The following PSMD12 variants were observed in gnomAD, a reference collection of about 807,000 sequenced individuals.
The protein encoded by PSMD12 is 26S proteasome non-ATPase regulatory subunit 12.
A neutral mutation model predicts 62.9 loss-of-function variants in PSMD12; 8 were observed. The observed-to-expected ratio is 0.13, with a 90% CI of 0.07 to 0.23. PSMD12 has a LOEUF of 0.23. PSMD12 is among the 10% of genes least tolerant of loss of function. PSMD12 has a pLI of 1.00. For missense variants in PSMD12, 424 were observed against 550.2 expected, an observed-to-expected ratio of 0.77 and a Z score of 2.29; for synonymous variants, 173 against 187.4, an observed-to-expected ratio of 0.92 and a Z score of 0.63.
chr17:67,341,104 A>C (rs753054970), intron 10 of PSMD12, 52 bp from the exon 11 acceptor site: 4 of 1,384,502 alleles, frequency 2.9e-6, no homozygotes, highest in Non-Finnish European at 3.9e-6. Flanking sequence ...TACAGACAAT[A>C]AACAAAACTT....
At position 67,355,994 on chromosome 17, in the gene PSMD12, ACACACACACACACACG is replaced by A. The variant is rs1245054391; in HGVS notation, c.297+1293_297+1308del. ...TACACACACACACACACACACACACACACACACACACACACGCACACACACACAAGATTAAATGTTT... is the reference window on the plus strand; with the variant it reads ...TACACACACACACACACACACACACACACACACACACAAGATTAAATGTTT... On this transcript the variant is annotated intron_variant, in intron 3 of 10. Transcript: ENST00000356126. 1.3e-4 allele frequency among the ~76,000 whole-genome samples: 13 copies of A among 98,534 alleles called. No homozygotes were observed. The East Asian group carries it at 2.3e-3, about 17-fold the overall frequency. 64.6% of individuals were successfully genotyped at this position (98,534 alleles called of 152,430 possible).
rs1443881833 is a variant in PSMD12, at chr17:67,347,207, T to C, written c.704A>G (p.Gln235Arg). 1 of 1,613,662 alleles carries C rather than the reference T, an allele frequency of 6.2e-7. No homozygotes were observed. The highest frequency in any genetic ancestry group is 8.5e-7 in the Non-Finnish European group (1 of 1,179,774). Reference sequence around the variant, plus strand: ...AATAGACAAATAGGATCCCTCATGTTGATCCAGCTGAATCATTAAATTATA... The same window carrying C: ...AATAGACAAATAGGATCCCTCATGTCGATCCAGCTGAATCATTAAATTATA... The part of the protein sequence containing the change: ...KYYNLMIQLD[Q>R]HEGSYLSICK... The change falls in exon 7 of 11, where the codon CAA becomes CGA. Residue 235 changes from glutamine to arginine, a missense_variant. Transcript: ENST00000356126.
intron 3 of PSMD12, among the ~76,000 whole-genome samples, chr17:67,355,979 C>T (rs1285514040): frequency 5.4e-5 from 4 of 73,476 alleles, no homozygotes; most frequent in Admixed American, 3.5e-4. Context: ...TACACACACA[C>T]ACACACACAC....
At chr17:67,362,928 T>C (rs1247452972) in intron 1 of PSMD12, 3 of 152,214 alleles carry the variant, frequency 2.0e-5, no homozygotes, top group Non-Finnish European at 4.4e-5. Flanking sequence ...ATTATCATCA[T>C]AGCAGCTGAC....
intron 3 of PSMD12, among the ~76,000 whole-genome samples, chr17:67,350,894 A>G (rs1056065058): frequency 1.3e-5 from 2 of 152,190 alleles, no homozygotes; most frequent in African/African-American, 2.4e-5. Flanking sequence ...AAATTTTTGC[A>G]AATGTTCATA....
chr17:67,364,983 C>A (rs571596968), intron 1 of PSMD12, among the ~76,000 whole-genome samples: 1 of 152,074 alleles, frequency 6.6e-6, no homozygotes, highest in East Asian at 1.9e-4. Flanking sequence ...CAGGAGGTCG[C>A]GTGCGACCAG....
At chr17:67,345,972 G>T in intron 7 of PSMD12, 115 bp from the exon 8 acceptor site, 2 of 915,588 alleles carry the variant, frequency 2.2e-6, no homozygotes, top group Non-Finnish European at 3.2e-6. Flanking sequence ...AGTCTTGGCC[G>T]GGCGCAGTGG....
chr17:67,366,281 C>T (rs779199144), intron 1 of PSMD12, 131 bp downstream of exon 1: 17 of 865,474 alleles, frequency 2.0e-5, no homozygotes, highest in Non-Finnish European at 2.5e-5. Flanking sequence ...CCCACTCGTG[C>T]AGGCCCAACT....
chr17:67,351,905 T>A (rs933395070), intron 3 of PSMD12, among the ~76,000 whole-genome samples: 1 of 151,874 alleles, frequency 6.6e-6, no homozygotes, highest in South Asian at 2.1e-4. Flanking sequence ...GAGACCATTC[T>A]GGCCAACATG....
rs149784002 is a variant in PSMD12, at chr17:67,366,307, T to C, written c.108+105A>G. ...AGGCCCAACTAGGGCTGGACAGGCA[T>C]TGGGGGGTGCACGCTCCAGCCCGCA... On this transcript the variant is annotated intron_variant, in intron 1 of 10. Transcript: ENST00000356126. The C allele has an allele frequency of 2.8e-3, 3,101 of 1,103,304 alleles. 35 individuals are homozygous for C. Among genetic ancestry groups the C allele is most frequent in the South Asian group, 0.028 (1,910 of 68,922 alleles). 68.3% of individuals were successfully genotyped at this position (1,103,304 alleles called of 1,614,324 possible). A position where few individuals can be genotyped will look rare whatever the true frequency, so the allele number is the denominator to read the frequency against.
chr17:67,352,509 TATAATA>T lies in PSMD12; in HGVS notation c.298-2179_298-2174del, dbSNP rs554909108. Among the ~76,000 whole-genome samples the T allele has an allele frequency of 5.1e-4, 77 of 152,250 alleles. 3 individuals are homozygous for T. In the South Asian group the frequency reaches 0.015, roughly 29 times the overall value. On this transcript the variant is annotated intron_variant, in intron 3 of 10. Coordinates refer to ENST00000356126, the MANE Select transcript of PSMD12 (RefSeq NM_002816.5). ...AACATAGGATGCCTGTAAAGTTAAT[TATAATA>T]ATAATTTCTAGAAGAGCACACAACT... is the stretch of plus-strand genomic sequence containing the variant.
At chr17:67,357,182 C>T in intron 3 of PSMD12, 121 bp downstream of exon 3, 1 of 1,103,822 alleles carries the variant, frequency 9.1e-7, no homozygotes, top group Non-Finnish European at 1.2e-6. Context: ...AATTTTAAAA[C>T]ACCCTCTAGG....
chr17:67,356,408 A>G (rs1297611073), intron 3 of PSMD12, among the ~76,000 whole-genome samples: 1 of 150,706 alleles, frequency 6.6e-6, no homozygotes, highest in Non-Finnish European at 1.5e-5. Context: ...AATACAAAAA[A>G]TTAGCCGGGC....
At chr17:67,351,021 G>A (rs78983368) in intron 3 of PSMD12, among the ~76,000 whole-genome samples, 1,655 of 152,196 alleles carry the variant, frequency 0.011, 13 homozygotes, top group Non-Finnish European at 0.017. Flanking sequence ...AATAGGAGGC[G>A]GGTGGGATTT....
chr17:67,364,518 C>G (rs566826354), intron 1 of PSMD12, among the ~76,000 whole-genome samples: 1 of 152,274 alleles, frequency 6.6e-6, no homozygotes, highest in South Asian at 2.1e-4. Flanking sequence ...CTAACACTGA[C>G]TAGGTCTTGC....
intron 1 of PSMD12, among the ~76,000 whole-genome samples, chr17:67,363,642 C>T (rs192343803): frequency 3.9e-5 from 6 of 152,206 alleles, no homozygotes; most frequent in Admixed American, 1.3e-4. Context: ...GTTTGATGGG[C>T]TCAAAATAAA....
intron 8 of PSMD12, 153 bp downstream of exon 8, chr17:67,345,592 A>G (rs1200387486): frequency 6.4e-6 from 4 of 622,096 alleles, no homozygotes; most frequent in Non-Finnish European, 1.1e-5. Context: ...CAGTGAGCTG[A>G]GATTACACCA....
At chr17:67,358,236 TC>T (rs1363808051) in intron 1 of PSMD12, among the ~76,000 whole-genome samples, 2 of 152,074 alleles carry the variant, frequency 1.3e-5, no homozygotes, top group Non-Finnish European at 2.9e-5. Context: ...CCTGTTCTGA[TC>T]AGAGACTCTA....
chr17:67,345,579 T>C (rs1458140066), intron 8 of PSMD12, 166 bp downstream of exon 8: 17 of 579,026 alleles, frequency 2.9e-5, no homozygotes, highest in Admixed American at 9.0e-5. Flanking sequence ...GAGGCAGAAG[T>C]TGCAGTGAGC....
Sources: gnomAD v4.1 joint callset for allele counts (sites outside exome capture counted in the v4.1 genomes callset) on GRCh38, gnomAD v4.1.1 for gene constraint, MANE v1.5 for transcripts, NCBI Gene and HGNC (gene_info 2026-07-23, HGNC 2026-07-21) for gene names.